Variants in SEM1 observed in about 807,000 individuals in gnomAD.
The protein encoded by SEM1 is SEM1 26S proteasome subunit, also known as 26S proteasome complex subunit SEM1.
Under a neutral mutation model 12.7 loss-of-function variants are expected in SEM1, and 3 were observed. That is an observed-to-expected ratio of 0.24 (90% confidence interval 0.11 to 0.61). The LOEUF (loss-of-function observed/expected upper bound fraction) is 0.61. Ranked by LOEUF, SEM1 falls within the 20% of genes least tolerant of loss-of-function variation. The pLI, the probability that SEM1 is intolerant of heterozygous loss-of-function variation, is 0.88. For synonymous variants in SEM1, 30 were observed against 27.8 expected (o/e 1.08, Z -0.25); for missense variants, 59 against 81.3 (o/e 0.73, Z 1.06).
At chr7:96,486,352 T>G (rs1373652771) in exon 2 of SEM1, 2 of 1,536,988 alleles carry the variant, frequency 1.3e-6, no homozygotes, top group East Asian at 4.9e-5. Context: ...TCCTCCCCCT[T>G]TTTATGCCAT....
At chr7:96,569,945 T>C (rs1805966322) in intron 2 of SEM1, among the ~76,000 whole-genome samples, 1 of 152,092 alleles carries the variant, frequency 6.6e-6, no homozygotes. Context: ...GATGGAAACT[T>C]AGGTTGATTC....
chr7:96,619,881 A>C (rs1051629890), downstream of SEM1, among the ~76,000 whole-genome samples: 1 of 152,076 alleles, frequency 6.6e-6, no homozygotes, highest in Non-Finnish European at 1.5e-5. Context: ...AACTTTGCCC[A>C]AGGGCAGGGG....
chr7:96,693,302 T>C (rs1319737456), intron 2 of SEM1, among the ~76,000 whole-genome samples: 2 of 151,998 alleles, frequency 1.3e-5, no homozygotes, highest in Non-Finnish European at 2.9e-5. Flanking sequence ...GACAAATAAA[T>C]ACAGCCTGAA....
chr7:96,557,296 T>A (rs935930769), intron 2 of SEM1, among the ~76,000 whole-genome samples: 1 of 147,738 alleles, frequency 6.8e-6, no homozygotes, highest in Non-Finnish European at 1.5e-5. Flanking sequence ...GTTTTTCTGC[T>A]CTGTTTTTTC....
rs184496810 is a variant in SEM1, at chr7:96,541,844, T to C, written c.171-35146A>G. Among the ~76,000 whole-genome samples the C allele has an allele frequency of 2.8e-4, 42 of 151,856 alleles. No homozygotes were observed. In the South Asian group the frequency reaches 3.1e-3, roughly 11 times the overall value. On this transcript the variant is annotated intron_variant and NMD_transcript_variant, in intron 2 of 3. Coordinates refer to the SEM1 transcript ENST00000466986. ...ACCATTTATTGAGTAGTGAGTCCTT[T>C]CCCCATTGCTTATTTTTGCCAATTT...
intron 2 of SEM1, among the ~76,000 whole-genome samples, chr7:96,595,215 T>C (rs2116158192): frequency 6.6e-6 from 1 of 152,256 alleles, no homozygotes; most frequent in African/African-American, 2.4e-5. Flanking sequence ...TTCTTTTCTC[T>C]ATATAAAAAT....
chr7:96,566,959 T>C (rs543778827), intron 2 of SEM1, among the ~76,000 whole-genome samples: 12 of 151,800 alleles, frequency 7.9e-5, no homozygotes, highest in African/African-American at 2.9e-4. Context: ...GATTTTGGTA[T>C]ACATCTCAAC....
intron 2 of SEM1, among the ~76,000 whole-genome samples, chr7:96,570,348 C>G (rs1805980851): frequency 6.6e-6 from 1 of 151,924 alleles, no homozygotes; most frequent in African/African-American, 2.4e-5. Context: ...CTCCCCTAGC[C>G]CCCCACCCCC....
chr7:96,568,531 T>G (rs1475023280), intron 2 of SEM1, among the ~76,000 whole-genome samples: 1 of 151,800 alleles, frequency 6.6e-6, no homozygotes, highest in Non-Finnish European at 1.5e-5. Context: ...TGATGACAAT[T>G]TCTTATTTTG....
At chr7:96,494,438 A>ATT (rs142601020) in intron 1 of SEM1, among the ~76,000 whole-genome samples, 14 of 150,832 alleles carry the variant, frequency 9.3e-5, no homozygotes, top group South Asian at 4.2e-4. Context: ...TAATAAAGAG[A>ATT]TTTTTTTTTT....
At chr7:96,592,999 T>TTAAAAAAAA (rs60512379) in intron 2 of SEM1, among the ~76,000 whole-genome samples, 1 of 128,062 alleles carries the variant, frequency 7.8e-6, no homozygotes, top group East Asian at 2.3e-4. Context: ...TCTCCCATAT[T>TTAAAAAAAA]AAAAAAAAAA....
chr7:96,671,775 C>T (rs1026960658), downstream of SEM1, among the ~76,000 whole-genome samples: 1 of 152,162 alleles, frequency 6.6e-6, no homozygotes. Flanking sequence ...AGAGGATGCT[C>T]CTCAGAGAGC....
At chr7:96,489,272 A>G (rs1387520689) in intron 1 of SEM1, among the ~76,000 whole-genome samples, 2 of 152,092 alleles carry the variant, frequency 1.3e-5, no homozygotes, top group African/African-American at 4.8e-5. Flanking sequence ...TGGATCCCCT[A>G]TCAACCAGAA....
At chr7:96,500,686 T>C (rs921069060), upstream of SEM1, among the ~76,000 whole-genome samples, 8 of 152,184 alleles carry the variant, frequency 5.3e-5, no homozygotes, top group Non-Finnish European at 1.0e-4. Flanking sequence ...CTAACTTATC[T>C]GTGCTTCCTT....
chr7:96,516,850 G>C (rs1804109785), intron 2 of SEM1, among the ~76,000 whole-genome samples: 1 of 152,096 alleles, frequency 6.6e-6, no homozygotes, highest in African/African-American at 2.4e-5. Context: ...GAATGAATAA[G>C]TAAACTGTGT....
intron 2 of SEM1, among the ~76,000 whole-genome samples, chr7:96,561,890 C>G (rs1214989575): frequency 6.6e-6 from 1 of 152,184 alleles, no homozygotes; most frequent in Non-Finnish European, 1.5e-5. Flanking sequence ...ATCCACCCTT[C>G]TAACTATTAT....
At chr7:96,602,231 A>G (rs1807217576) in intron 2 of SEM1, among the ~76,000 whole-genome samples, 1 of 152,232 alleles carries the variant, frequency 6.6e-6, no homozygotes, top group Non-Finnish European at 1.5e-5. Flanking sequence ...GTTCAAAAGA[A>G]TGAGTGGGGA....
intron 2 of SEM1, among the ~76,000 whole-genome samples, chr7:96,515,934 G>T (rs915032572): frequency 6.6e-6 from 1 of 152,060 alleles, no homozygotes; most frequent in East Asian, 1.9e-4. Context: ...TAAATGATGA[G>T]TTGATGGGTG....
intron 1 of SEM1, among the ~76,000 whole-genome samples, chr7:96,491,048 G>A (rs920077330): frequency 1.4e-4 from 22 of 152,150 alleles, no homozygotes; most frequent in African/African-American, 5.3e-4. Flanking sequence ...TGTAATGAAC[G>A]TCTAAATTCA....
Sources: allele counts gnomAD v4.1 joint callset (sites outside exome capture counted in the v4.1 genomes callset), GRCh38; gene constraint gnomAD v4.1.1; transcripts MANE v1.5; gene names NCBI Gene and HGNC (gene_info 2026-07-23, HGNC 2026-07-21).